The following GAS2L3 variants were observed in gnomAD, a reference collection of about 807,000 sequenced individuals.
The protein encoded by GAS2L3 is growth arrest specific 2 like 3.
Under a neutral mutation model 37.0 loss-of-function variants are expected in GAS2L3, and 28 were observed. That is an observed-to-expected ratio of 0.76 (90% confidence interval 0.56 to 1.04). GAS2L3 has a LOEUF of 1.04. Among genes scored for constraint, GAS2L3 ranks in the 50% least tolerant of loss-of-function variants. The pLI is 0.00. For synonymous variants in GAS2L3, 290 were observed against 296.6 expected (o/e 0.98, Z 0.23); for missense variants, 793 against 817.6 (o/e 0.97, Z 0.37).
At chr12:100,611,893 T>G in intron 5 of GAS2L3, 107 bp from the exon 6 acceptor site, 1 of 745,508 alleles carries the variant, frequency 1.3e-6, no homozygotes. Context: ...ATTGTGTACT[T>G]TTTGGTTACA....
chr12:100,604,044 A>G (rs566805808), intron 5 of GAS2L3, among the ~76,000 whole-genome samples: 2 of 151,242 alleles, frequency 1.3e-5, no homozygotes, highest in African/African-American at 4.8e-5. Flanking sequence ...AATTCCTCCA[A>G]TTTTGTTCTT....
In GAS2L3 at chr12:100,627,387, G is replaced by A. The variant is rs539322415; in HGVS notation, c.*2497G>A. 1 of 151,696 alleles carries A rather than the reference G, an allele frequency of 6.6e-6. No homozygotes were observed. The highest frequency in any genetic ancestry group is 1.5e-5 in the Non-Finnish European group (1 of 68,004). The allele number at this position is 151,696 out of a possible 1,614,324, so 9.4% of individuals were successfully genotyped here. ...CCTCCTGGGTTCAAGTGATTCTGCT[G>A]CCTCAGCCTCCTGAGTGGTTGGGAT... On this transcript the variant is annotated 3_prime_UTR_variant, in exon 10 of 10. Transcript: ENST00000547754.
chr12:100,598,083 T>G (rs1420926038), intron 3 of GAS2L3, among the ~76,000 whole-genome samples: 2 of 152,128 alleles, frequency 1.3e-5, no homozygotes, highest in Admixed American at 6.6e-5. Flanking sequence ...CTATTACCTC[T>G]GAATATTTTA....
chr12:100,624,803 T>C lies in GAS2L3; in HGVS notation c.1998T>C (p.Asp666=), dbSNP rs776499087. 4 of 1,613,736 alleles carry C rather than the reference T, an allele frequency of 2.5e-6. No individual in the cohort carries two copies. The highest frequency in any genetic ancestry group is 1.7e-6 in the Non-Finnish European group (2 of 1,179,864). ...CACCCTCATCTGTTAAGGATGCAGA[T>C]AGTGGAGATAAAAAACCTACTGCAA... The part of the protein sequence containing the change: ...RKPPSSVKDA[D]SGDKKPTAKK... The change falls in exon 10 of 10, where the codon GAT becomes GAC. Residue 666 remains aspartate, a synonymous_variant. Transcript: ENST00000547754.
At position 100,618,588 on chromosome 12, in the gene GAS2L3, G is replaced by C; in HGVS notation, c.648+1G>C. 1 of 1,604,470 alleles carries C rather than the reference G, an allele frequency of 6.2e-7. No individual in the cohort carries two copies. The highest frequency in any genetic ancestry group is 8.5e-7 in the Non-Finnish European group (1 of 1,176,678). The stretch of plus-strand genomic sequence containing the variant: ...TCGGCATGAAGAGCTACATGAAGCT[G>C]TAAGTAGTTGCCACACTTTCTTTTG... On this transcript the variant is annotated splice_donor_variant, in intron 8 of 9. Transcript: ENST00000547754. LOFTEE classifies it high-confidence loss of function.
Position 100,625,312 on chromosome 12 carries a change from TA to T in GAS2L3, c.*434del, listed in dbSNP as rs201990375. The T allele has an allele frequency of 5.1e-3, 748 of 145,880 alleles. No homozygotes were observed. The highest frequency in any genetic ancestry group is 7.2e-3 in the South Asian group (34 of 4,738). 9.0% of individuals were successfully genotyped at this position (145,880 alleles called of 1,614,324 possible). A position where few individuals can be genotyped will look rare whatever the true frequency, so the allele number is the denominator to read the frequency against. On this transcript the variant is annotated 3_prime_UTR_variant, in exon 10 of 10. Coordinates refer to ENST00000547754, the MANE Select transcript of GAS2L3 (RefSeq NM_174942.3). ...TACTATTAGTTAATTGCATTTTGGTTAAAAAAAAAAAAGCAACAGTTTGGCA... is the reference window on the plus strand; with the variant it reads ...TACTATTAGTTAATTGCATTTTGGTTAAAAAAAAAAAGCAACAGTTTGGCA...
chr12:100,601,103 A>T (rs185151260), intron 4 of GAS2L3, among the ~76,000 whole-genome samples: 127 of 152,276 alleles, frequency 8.3e-4, no homozygotes, highest in African/African-American at 2.9e-3. Context: ...TTTTATGTAG[A>T]ATTCTAAAGT....
At chr12:100,579,112 A>G in intron 1 of GAS2L3, 2 of 718,064 alleles carry the variant, frequency 2.8e-6, no homozygotes, top group East Asian at 2.6e-5. Flanking sequence ...AGAGAGTCAC[A>G]ATAATCCATT....
In GAS2L3 at chr12:100,624,289, C is replaced by G. The variant is rs777961411; in HGVS notation, c.1484C>G (p.Ser495Ter). The stretch of plus-strand genomic sequence containing the variant: ...TCTCACTTAGCTGCACATTCAAATT[C>G]ATCCTCAAAATGTCCCAAGCTGCCT... The part of the protein sequence containing the change: ...AVSHLAAHSN[S>*]SSKCPKLPKA... Residue 495 changes from serine to a stop codon, truncating the protein, a stop_gained, in exon 10 of 10, where the codon TCA (serine) becomes TGA (stop). Coordinates refer to ENST00000547754, the MANE Select transcript of GAS2L3 (RefSeq NM_174942.3). LOFTEE classifies it low-confidence loss of function (END_TRUNC). 1.2e-6 allele frequency: 2 copies of G among 1,614,016 alleles called. No homozygotes were observed. The highest frequency in any genetic ancestry group is 1.7e-6 in the Non-Finnish European group (2 of 1,179,990).
At position 100,622,285 on chromosome 12, in the gene GAS2L3, T is replaced by A. The variant is rs891681346; in HGVS notation, c.659T>A (p.Ile220Asn). Residue 220 changes from isoleucine to asparagine, a missense_variant, in exon 9 of 10, where the codon ATT becomes AAT. Transcript: ENST00000547754. ...HEELHEAVKH[I>N]AEDPPCSCSH... is the part of the protein sequence containing the mutation. ...TGTTCGTCATCTTAGGTTAAACATA[T>A]TGCTGAGGACCCTCCTTGTAGTTGT... 2 of 1,580,400 alleles carry A rather than the reference T, an allele frequency of 1.3e-6. No individual in the cohort carries two copies. The highest frequency in any genetic ancestry group is 4.5e-5 in the East Asian group (2 of 44,558).
intron 1 of GAS2L3, among the ~76,000 whole-genome samples, chr12:100,586,537 A>G (rs773228204): frequency 5.3e-5 from 8 of 152,228 alleles, no homozygotes; most frequent in Non-Finnish European, 1.2e-4. Flanking sequence ...ACTGAACTAC[A>G]GTAGTGACAC....
chr12:100,586,518 G>A (rs1046231818), intron 1 of GAS2L3, among the ~76,000 whole-genome samples: 1 of 152,160 alleles, frequency 6.6e-6, no homozygotes, highest in Non-Finnish European at 1.5e-5. Flanking sequence ...AAATTTAAAT[G>A]TCATTTGAAC....
Position 100,627,247 on chromosome 12 carries a change from GT to G in GAS2L3, c.*2364del, listed in dbSNP as rs200602616. On this transcript the variant is annotated 3_prime_UTR_variant, in exon 10 of 10. Transcript: ENST00000547754. ...TAGCTTACCCTTCCAAAATAAAAGT[GT>G]TTTTTTAATGTTGTTTTGTTTTGTT... is the stretch of plus-strand genomic sequence containing the variant. Among the ~76,000 whole-genome samples, 7 of 151,962 alleles carry G rather than the reference GT, an allele frequency of 4.6e-5. No homozygotes were observed. The South Asian group carries it at 8.3e-4, about 18-fold the overall frequency.
Position 100,624,046 on chromosome 12 carries a change from A to C in GAS2L3, c.1241A>C (p.Lys414Thr), listed in dbSNP as rs749200041. ...CTTGCTTCATTAAATCCAGTAGGTAAAAACACTTCTTCACCAGCTTTACCA... is the reference window on the plus strand; with the variant it reads ...CTTGCTTCATTAAATCCAGTAGGTACAAACACTTCTTCACCAGCTTTACCA... Reference protein sequence around the residue: ...SSLASLNPVGKNTSSPALPRT... With the variant: ...SSLASLNPVGTNTSSPALPRT... The change falls in exon 10 of 10, where the codon AAA becomes ACA. Residue 414 changes from lysine to threonine, a missense_variant. Physicochemically the swap from Lys to Thr is moderately conservative, Grantham distance 78 (BLOSUM62 -1). Coordinates refer to ENST00000547754, the MANE Select transcript of GAS2L3 (RefSeq NM_174942.3). 1.2e-6 allele frequency: 2 copies of C among 1,614,104 alleles called. No individual in the cohort carries two copies. The highest frequency in any genetic ancestry group is 1.7e-6 in the Non-Finnish European group (2 of 1,180,020).
rs532700139 is a variant in GAS2L3, at chr12:100,588,746, C to G, written c.-151-2990C>G. On this transcript the variant is annotated intron_variant, in intron 1 of 9. Transcript: ENST00000547754. ...AGAGCAGCCATTTATAGACCTCCCC[C>G]CAGGAACGTATTCCTTTCCCAGGGT... Among the ~76,000 whole-genome samples, 7 of 152,254 alleles carry G rather than the reference C, an allele frequency of 4.6e-5. No homozygotes were observed. The South Asian group carries it at 1.2e-3, about 27-fold the overall frequency.
chr12:100,618,450 T>C lies in GAS2L3; in HGVS notation c.511T>C (p.Tyr171His), dbSNP rs1170808457. 5.6e-6 allele frequency: 9 copies of C among 1,604,880 alleles called. No individual in the cohort carries two copies. In the South Asian group the frequency reaches 9.0e-5, roughly 16 times the overall value. The part of the protein sequence containing the change: ...LLEIGRIVSR[Y>H]GVEPPVLVKL... ...TCAGATCTCCTGGTTGGTTTTCAGA[T>C]ACGGGGTTGAGCCACCAGTGTTAGT... is the stretch of plus-strand genomic sequence containing the variant. Residue 171 changes from tyrosine (Y) to histidine (H), a missense_variant and splice_region_variant, in exon 8 of 10, where the codon TAC becomes CAC. Physicochemically the swap from Tyr to His is moderately conservative, Grantham distance 83. Coordinates refer to ENST00000547754, the MANE Select transcript of GAS2L3 (RefSeq NM_174942.3).
At chr12:100,601,589 ATTG>A in intron 4 of GAS2L3, 46 bp from the exon 5 acceptor site, 2 of 856,594 alleles carry the variant, frequency 2.3e-6, no homozygotes. Context: ...TTTTAACCAT[ATTG>A]TTTTTATGTT....
chr12:100,601,538 T>C, intron 4 of GAS2L3, 100 bp from the exon 5 acceptor site: 1 of 669,248 alleles, frequency 1.5e-6, no homozygotes, highest in South Asian at 1.8e-5. Context: ...TGATCTGATA[T>C]TTTTCTAGTG....
In GAS2L3 at chr12:100,582,568, G is replaced by A. The variant is rs571885149; in HGVS notation, c.-152+8783G>A. Among the ~76,000 whole-genome samples, 7 of 152,190 alleles carry A rather than the reference G, an allele frequency of 4.6e-5. No homozygotes were observed. The South Asian group carries it at 1.5e-3, about 32-fold the overall frequency. ...TTTGAAAGTTAATTTACAGTGATGA[G>A]GAATTTATGAAAAATATATTTCTTT... is the stretch of plus-strand genomic sequence containing the variant. On this transcript the variant is annotated intron_variant, in intron 1 of 9. Transcript: ENST00000547754.
Sources: allele counts gnomAD v4.1 joint callset (sites outside exome capture counted in the v4.1 genomes callset), GRCh38; gene constraint gnomAD v4.1.1; transcripts MANE v1.5; gene names NCBI Gene and HGNC (gene_info 2026-07-23, HGNC 2026-07-21).